Variants in SMAP1 observed in about 807,000 individuals in gnomAD.
The protein encoded by SMAP1 is small ArfGAP 1.
A neutral mutation model predicts 58.5 loss-of-function variants in SMAP1; 24 were observed. That is an observed-to-expected ratio of 0.41 (90% CI 0.30 to 0.58). SMAP1 has a LOEUF of 0.58. Ranked by LOEUF, SMAP1 falls within the 20% of genes least tolerant of loss-of-function variation. The pLI, the probability that SMAP1 is intolerant of heterozygous loss-of-function variation, is 0.29. For synonymous variants in SMAP1, 216 were observed against 196.6 expected (o/e 1.10, Z -0.82); for missense variants, 563 against 566.3 (o/e 0.99, Z 0.06).
chr6:70,677,474 A>C (rs752883435), intron 1 of SMAP1, among the ~76,000 whole-genome samples: 1 of 108,842 alleles, frequency 9.2e-6, no homozygotes, highest in East Asian at 2.8e-4. Flanking sequence ...GTGGAGTGCC[A>C]GTGGCTCGAT....
chr6:70,807,019 A>G (rs1026048882), intron 6 of SMAP1, among the ~76,000 whole-genome samples: 2 of 152,186 alleles, frequency 1.3e-5, no homozygotes, highest in Non-Finnish European at 2.9e-5. Flanking sequence ...GTGCTGTTGT[A>G]CATTCTACAT....
chr6:70,736,600 A>T (rs985863543), intron 2 of SMAP1, among the ~76,000 whole-genome samples: 1 of 152,214 alleles, frequency 6.6e-6, no homozygotes, highest in South Asian at 2.1e-4. Context: ...AGATTAGTAG[A>T]TGTCTTTATT....
At chr6:70,744,307 A>G (rs1765934407) in intron 2 of SMAP1, among the ~76,000 whole-genome samples, 1 of 151,900 alleles carries the variant, frequency 6.6e-6, no homozygotes, top group South Asian at 2.1e-4. Flanking sequence ...TATTTCTCCT[A>G]ATGCTAACCC....
chr6:70,726,075 C>T (rs534119924), intron 1 of SMAP1, among the ~76,000 whole-genome samples: 5 of 152,232 alleles, frequency 3.3e-5, no homozygotes, highest in African/African-American at 9.6e-5. Flanking sequence ...TCAGCTGGCT[C>T]TCCATTTTTT....
At chr6:70,855,975 T>C (rs191972463) in intron 8 of SMAP1, among the ~76,000 whole-genome samples, 20 of 152,352 alleles carry the variant, frequency 1.3e-4, no homozygotes, top group Admixed American at 1.0e-3. Flanking sequence ...TGGTAACTTA[T>C]TGCATGGTGT....
chr6:70,685,450 G>A (rs1474405383), intron 1 of SMAP1, among the ~76,000 whole-genome samples: 1 of 152,148 alleles, frequency 6.6e-6, no homozygotes, highest in East Asian at 1.9e-4. Flanking sequence ...AGCTTTAGAT[G>A]TTAAATAAAT....
chr6:70,722,251 T>C (rs1223974197), intron 1 of SMAP1, among the ~76,000 whole-genome samples: 1 of 152,220 alleles, frequency 6.6e-6, no homozygotes, highest in Non-Finnish European at 1.5e-5. Context: ...GCCTGCCCTA[T>C]ATCCCACAAT....
intron 5 of SMAP1, among the ~76,000 whole-genome samples, chr6:70,795,898 C>T (rs1030654785): frequency 5.9e-5 from 9 of 151,830 alleles, no homozygotes; most frequent in African/African-American, 1.7e-4. Flanking sequence ...CCACCACGCC[C>T]GGCTAATTTT....
intron 1 of SMAP1, among the ~76,000 whole-genome samples, chr6:70,688,535 C>T (rs532600670): frequency 2.0e-5 from 3 of 152,184 alleles, no homozygotes; most frequent in East Asian, 3.9e-4. Flanking sequence ...TTTGGATTCT[C>T]CTAGTGGTTT....
chr6:70,755,136 G>C, intron 3 of SMAP1, 71 bp downstream of exon 3: 1 of 1,211,804 alleles, frequency 8.3e-7, no homozygotes, highest in Non-Finnish European at 1.2e-6. Flanking sequence ...TATTTTATCT[G>C]TTAGTATTTA....
intron 8 of SMAP1, among the ~76,000 whole-genome samples, chr6:70,854,829 T>C (rs1020988611): frequency 1.3e-5 from 2 of 152,134 alleles, no homozygotes; most frequent in African/African-American, 4.8e-5. Flanking sequence ...CTCCTTGTGT[T>C]ATTTTCTGAG....
At chr6:70,761,264 C>T (rs1245297807) in intron 3 of SMAP1, among the ~76,000 whole-genome samples, 6 of 151,912 alleles carry the variant, frequency 3.9e-5, no homozygotes, top group Non-Finnish European at 7.4e-5. Flanking sequence ...ATTAGGGGTG[C>T]TGTACTGAGT....
chr6:70,711,032 T>C (rs1236785902), intron 1 of SMAP1, among the ~76,000 whole-genome samples: 1 of 152,182 alleles, frequency 6.6e-6, no homozygotes, highest in East Asian at 1.9e-4. Context: ...CCTATAATAA[T>C]AATGCTGTCT....
At chr6:70,776,101 A>G (rs1021394040) in intron 4 of SMAP1, among the ~76,000 whole-genome samples, 2 of 152,220 alleles carry the variant, frequency 1.3e-5, no homozygotes, top group African/African-American at 4.8e-5. Flanking sequence ...TTAAAAAAAT[A>G]TAAGTACCTT....
intron 1 of SMAP1, among the ~76,000 whole-genome samples, chr6:70,705,251 GAT>G (rs1491462358): frequency 2.0e-5 from 3 of 147,708 alleles, no homozygotes; most frequent in Non-Finnish European, 3.0e-5. Context: ...AGTTCATTAT[GAT>G]TTTTTTTTTT....
At chr6:70,815,519 A>G (rs1281614827) in intron 6 of SMAP1, among the ~76,000 whole-genome samples, 1 of 152,134 alleles carries the variant, frequency 6.6e-6, no homozygotes, top group Non-Finnish European at 1.5e-5. Flanking sequence ...TAGAAAGAAT[A>G]CTTTTTTTGG....
Position 70,794,593 on chromosome 6 carries a change from C to T in SMAP1, c.495+2824C>T, listed in dbSNP as rs113283544. On this transcript the variant is annotated intron_variant, in intron 5 of 10. Transcript: ENST00000370455. The stretch of plus-strand genomic sequence containing the variant: ...ACAGGCACCGGTGTGTGATGTTCCC[C>T]GCCCTATGTCCAAGTGATATCATTG... Among the ~76,000 whole-genome samples the T allele has an allele frequency of 7.3e-3, 1,116 of 152,126 alleles. 10 individuals carry two copies. Among genetic ancestry groups the T allele is most frequent in the East Asian group, 0.044 (227 of 5,170 alleles).
At chr6:70,692,028 G>C (rs1278336775) in intron 1 of SMAP1, among the ~76,000 whole-genome samples, 9 of 152,036 alleles carry the variant, frequency 5.9e-5, no homozygotes, top group Non-Finnish European at 7.4e-5. Flanking sequence ...TTTTTTTGAG[G>C]AATCTCCGTA....
chr6:70,788,954 T>C (rs1421713242), intron 4 of SMAP1, among the ~76,000 whole-genome samples: 11 of 152,158 alleles, frequency 7.2e-5, no homozygotes. Context: ...ATCCAGAAGA[T>C]GGATATTGAT....
Sources: gnomAD v4.1 joint callset for allele counts (sites outside exome capture counted in the v4.1 genomes callset) on GRCh38, gnomAD v4.1.1 for gene constraint, MANE v1.5 for transcripts, NCBI Gene and HGNC (gene_info 2026-07-23, HGNC 2026-07-21) for gene names.